ERC2: variants seen among roughly 807,000 people sequenced by gnomAD.
ERC2 encodes ERC protein 2.
ERC2 carries 42 observed loss-of-function variants against 114.8 expected under a neutral mutation model. That is an observed-to-expected ratio of 0.37 (90% CI 0.29 to 0.47). ERC2 has a LOEUF of 0.47. Among genes scored for constraint, ERC2 ranks in the 20% least tolerant of loss-of-function variants. The pLI, the probability that ERC2 is intolerant of heterozygous loss-of-function variation, is 0.99. For synonymous variants in ERC2, 454 were observed against 425.5 expected (o/e 1.07, Z -0.82); for missense variants, 939 against 1,150.7 (o/e 0.82, Z 2.66).
At chr3:55,737,860 G>A (rs2065736730) in intron 14 of ERC2, among the ~76,000 whole-genome samples, 1 of 152,032 alleles carries the variant, frequency 6.6e-6, no homozygotes. Flanking sequence ...TTTCTTTTTG[G>A]ATCAAAGGGA....
chr3:56,064,799 T>C (rs182064020), intron 7 of ERC2, among the ~76,000 whole-genome samples: 1 of 152,244 alleles, frequency 6.6e-6, no homozygotes, highest in Non-Finnish European at 1.5e-5. Flanking sequence ...TTGAGCAAAC[T>C]GCAGCCCATG....
At chr3:56,229,106 T>C (rs1301051436) in intron 3 of ERC2, among the ~76,000 whole-genome samples, 1 of 152,226 alleles carries the variant, frequency 6.6e-6, no homozygotes, top group African/African-American at 2.4e-5. Context: ...TTATTTGGCA[T>C]ATATTTACCA....
intron 2 of ERC2, among the ~76,000 whole-genome samples, chr3:56,424,166 T>C (rs2061484356): frequency 6.6e-6 from 1 of 152,172 alleles, no homozygotes; most frequent in Non-Finnish European, 1.5e-5. Flanking sequence ...TGGGGGTGAA[T>C]GTTTTGGGAG....
chr3:55,958,676 C>A (rs560070139), intron 12 of ERC2, among the ~76,000 whole-genome samples: 3 of 152,214 alleles, frequency 2.0e-5, no homozygotes, highest in African/African-American at 4.8e-5. Context: ...TAGAGAGGGC[C>A]GAGGCAACAG....
At chr3:55,840,046 T>A (rs996316506) in intron 14 of ERC2, among the ~76,000 whole-genome samples, 3 of 152,012 alleles carry the variant, frequency 2.0e-5, no homozygotes. Context: ...GTGGCTCTAT[T>A]AGTATCAAAG....
At position 56,339,776 on chromosome 3, in the gene ERC2, T is replaced by C. The variant is rs144603264; in HGVS notation, c.658-43341A>G. ...TTCATTTCCTGAATTTCCCACCCTA[T>C]GGTATAAACAATAGGGACAACACCA... On this transcript the variant is annotated intron_variant, in intron 2 of 17. Transcript: ENST00000288221. Among the ~76,000 whole-genome samples the C allele has an allele frequency of 1.4e-4, 21 of 152,142 alleles. No homozygotes were observed. In the South Asian group the frequency reaches 1.7e-3, roughly 12 times the overall value.
chr3:55,700,074 C>T (rs1025717272), intron 15 of ERC2, among the ~76,000 whole-genome samples: 8 of 152,208 alleles, frequency 5.3e-5, no homozygotes, highest in Admixed American at 2.6e-4. Context: ...GACATTTTAA[C>T]CGATTTTGTT....
intron 2 of ERC2, among the ~76,000 whole-genome samples, chr3:56,311,417 G>T (rs1436593624): frequency 6.6e-6 from 1 of 150,536 alleles, no homozygotes; most frequent in African/African-American, 2.4e-5. Context: ...TCCTGCCTCA[G>T]CCTCCCAAGT....
intron 17 of ERC2, among the ~76,000 whole-genome samples, chr3:55,639,991 C>A (rs1452055840): frequency 1.3e-5 from 2 of 152,118 alleles, no homozygotes; most frequent in African/African-American, 4.8e-5. Flanking sequence ...GGCAGGAGCC[C>A]CAGGGAAAGC....
At position 56,396,275 on chromosome 3, in the gene ERC2, A is replaced by G. The variant is rs188292608; in HGVS notation, c.657+38076T>C. Reference sequence around the variant, plus strand: ...CTGGAAACAAACCAGATGTAATAATAAAAGATTGGTTAAATAAAAATACAG... The same window carrying G: ...CTGGAAACAAACCAGATGTAATAATGAAAGATTGGTTAAATAAAAATACAG... On this transcript the variant is annotated intron_variant, in intron 2 of 17. Coordinates refer to ENST00000288221, the MANE Select transcript of ERC2 (RefSeq NM_015576.3). Among the ~76,000 whole-genome samples the G allele has an allele frequency of 2.8e-3, 422 of 152,324 alleles. 2 individuals are homozygous for G. Among genetic ancestry groups the G allele is most frequent in the African/African-American group, 9.9e-3 (411 of 41,562 alleles).
intron 6 of ERC2, among the ~76,000 whole-genome samples, chr3:56,125,760 G>A (rs1282649389): frequency 6.6e-6 from 1 of 152,072 alleles, no homozygotes; most frequent in Non-Finnish European, 1.5e-5. Context: ...GTCGATAAAA[G>A]GTCTGAAATC....
chr3:55,710,829 T>C (rs1222025324), intron 15 of ERC2, among the ~76,000 whole-genome samples: 1 of 152,170 alleles, frequency 6.6e-6, no homozygotes. Context: ...TCATAAAATG[T>C]TAATACTGGG....
intron 14 of ERC2, among the ~76,000 whole-genome samples, chr3:55,810,205 T>C (rs1308284928): frequency 6.6e-6 from 1 of 152,090 alleles, no homozygotes; most frequent in African/African-American, 2.4e-5. Context: ...AATCATATCA[T>C]AGAAGAAAAT....
intron 7 of ERC2, among the ~76,000 whole-genome samples, chr3:56,030,718 A>C (rs1291430288): frequency 2.6e-5 from 4 of 152,256 alleles, no homozygotes; most frequent in Non-Finnish European, 5.9e-5. Context: ...CCTCTGACAG[A>C]AACATCAATT....
intron 2 of ERC2, among the ~76,000 whole-genome samples, chr3:56,339,253 C>T (rs765769634): frequency 1.1e-4 from 17 of 152,196 alleles, no homozygotes; most frequent in East Asian, 5.8e-4. Context: ...ACAGAAGTGG[C>T]GCACCTTAAC....
chr3:56,325,903 T>C (rs1028730534), intron 2 of ERC2, among the ~76,000 whole-genome samples: 3 of 152,162 alleles, frequency 2.0e-5, no homozygotes, highest in South Asian at 2.1e-4. Flanking sequence ...CCCAATGCTA[T>C]ACTTCCAGGT....
At chr3:56,142,500 A>G (rs1442636601) in intron 5 of ERC2, among the ~76,000 whole-genome samples, 2 of 151,402 alleles carry the variant, frequency 1.3e-5, no homozygotes, top group African/African-American at 2.4e-5. Context: ...GGCTTATTCT[A>G]TTTTCTTTTC....
rs892298110 is a variant in ERC2 at position 55,510,330 on chromosome 3, C to T, written c.*986G>A. On this transcript the variant is annotated 3_prime_UTR_variant, in exon 18 of 18. Coordinates refer to ENST00000288221, the MANE Select transcript of ERC2 (RefSeq NM_015576.3). ...AAAATCTAAGCTTACACTGTTTGCA[C>T]AGCATTTGGATCTTGAAATGTGAAT... The T allele has an allele frequency of 3.3e-5, 5 of 151,966 alleles. No individual in the cohort carries two copies. The highest frequency in any genetic ancestry group is 2.6e-4 in the Admixed American group (4 of 15,240). 9.4% of individuals were successfully genotyped at this position (151,966 alleles called of 1,614,324 possible).
chr3:55,886,498 C>G (rs954126188), intron 14 of ERC2, among the ~76,000 whole-genome samples: 1 of 152,124 alleles, frequency 6.6e-6, no homozygotes, highest in Non-Finnish European at 1.5e-5. Flanking sequence ...CTCAAATAAA[C>G]CATTTTATGA....
Sources: allele counts gnomAD v4.1 joint callset (sites outside exome capture counted in the v4.1 genomes callset), GRCh38; gene constraint gnomAD v4.1.1; transcripts MANE v1.5; gene names NCBI Gene and HGNC (gene_info 2026-07-23, HGNC 2026-07-21).